SNX25: variants seen among roughly 807,000 people sequenced by gnomAD.
SNX25 encodes the protein sorting nexin 25.
SNX25 carries 62 observed loss-of-function variants against 113.7 expected under a neutral mutation model. That is an observed-to-expected ratio of 0.55 (90% CI 0.44 to 0.67). SNX25 has a LOEUF of 0.67. SNX25 is among the 30% of genes least tolerant of loss of function. The probability of loss-of-function intolerance (pLI) is 0.00; values close to 1 mark genes in which losing one functional copy is unlikely to be tolerated. For synonymous variants in SNX25, 421 were observed against 436.2 expected, an observed-to-expected ratio of 0.97 and a Z score of 0.43; for missense variants, 1,014 against 1,161.0, an observed-to-expected ratio of 0.87 and a Z score of 1.84.
At chr4:185,212,548 C>T (rs1253347101) in intron 1 of SNX25, among the ~76,000 whole-genome samples, 1 of 146,984 alleles carries the variant, frequency 6.8e-6, no homozygotes, top group Non-Finnish European at 1.5e-5. Context: ...GCCACCACGC[C>T]TGGCTAAGTT....
rs2095286824 is a variant in SNX25 at position 185,346,395 on chromosome 4, C to G, written c.2188-142C>G. ...TTCCGTTCCTCCCAATTCTTCGAGCCTCATTAAGATGGGTAGGTTTTCACC... is the reference window on the plus strand; with the variant it reads ...TTCCGTTCCTCCCAATTCTTCGAGCGTCATTAAGATGGGTAGGTTTTCACC... On this transcript the variant is annotated intron_variant, in intron 12 of 18. Coordinates refer to ENST00000652585, the MANE Select transcript of SNX25 (RefSeq NM_001378034.2). The G allele has an allele frequency of 4.8e-6, 3 of 620,362 alleles. No homozygotes were observed. In the Admixed American group the frequency reaches 1.1e-4, roughly 23 times the overall value. 38.4% of individuals were successfully genotyped at this position (620,362 alleles called of 1,614,324 possible).
intron 3 of SNX25, 26 bp downstream of exon 3, chr4:185,259,090 CT>C (rs1049666138): frequency 1.9e-6 from 3 of 1,585,286 alleles, no homozygotes; most frequent in African/African-American, 1.4e-5. Flanking sequence ...AACTTACCCC[CT>C]TTTTTGCATT....
In SNX25 at chr4:185,317,920, A is replaced by G. The variant is rs1477810730; in HGVS notation, c.1345-2813A>G. 2.6e-5 allele frequency among the ~76,000 whole-genome samples: 4 copies of G among 152,206 alleles called. No individual in the cohort carries two copies. The East Asian group carries it at 7.7e-4, about 29-fold the overall frequency. On this transcript the variant is annotated intron_variant, in intron 7 of 18. Transcript: ENST00000652585. ...ATACCAGAAACTTCACATTCTGTTC[A>G]TGTATCCCAGAATTTAAAGTAAAAT...
Position 185,264,528 on chromosome 4 carries a change from T to G in SNX25, c.822T>G (p.Val274=), listed in dbSNP as rs1296579896. Residue 274 remains valine, a synonymous_variant, in exon 4 of 19, where the codon GTT becomes GTG. Transcript: ENST00000652585. ...GATTTCTACAAACGTGTTCTCGGGT[T>G]CTGGTGTTTTGTCTCCTCCCCTCAA... ...EVRFLQTCSR[V]LVFCLLPSKD... is the part of the protein sequence containing the mutation. The G allele has an allele frequency of 2.5e-5, 40 of 1,613,978 alleles. No individual in the cohort carries two copies. The highest frequency in any genetic ancestry group is 3.3e-5 in the Non-Finnish European group (39 of 1,179,976).
At chr4:185,206,660 C>CAAA (rs375061067), upstream of SNX25, among the ~76,000 whole-genome samples, 219 of 77,372 alleles carry the variant, frequency 2.8e-3, 8 homozygotes, top group African/African-American at 5.7e-3. Context: ...ACTCTTGTCT[C>CAAA]AAAAAAAAAA....
At chr4:185,205,647 G>A (rs753391380), upstream of SNX25, among the ~76,000 whole-genome samples, 1 of 152,032 alleles carries the variant, frequency 6.6e-6, no homozygotes, top group Non-Finnish European at 1.5e-5. Context: ...TGGCCAACAT[G>A]GTGAAACTCC....
intron 10 of SNX25, among the ~76,000 whole-genome samples, chr4:185,335,002 G>T (rs1371850013): frequency 6.6e-6 from 1 of 152,064 alleles, no homozygotes; most frequent in Non-Finnish European, 1.5e-5. Flanking sequence ...ACTTATGTTG[G>T]TAAAAAATTA....
chr4:185,374,571 A>G, downstream of SNX25: 3 of 1,163,648 alleles, frequency 2.6e-6, no homozygotes, highest in Admixed American at 4.7e-5. Flanking sequence ...GATGTATAAT[A>G]CTATGAATCT....
chr4:185,310,608 A>AG lies in SNX25; in HGVS notation c.1163-25dup, dbSNP rs1267881793. The AG allele has an allele frequency of 1.9e-6, 3 of 1,602,712 alleles. No homozygotes were observed. The African/African-American group carries it at 4.0e-5, about 21-fold the overall frequency. ...TCCTTTCATGCCTTGTCCTCTGACCAGGTACTGTTTCTCACTCCTATTCAA... is the reference window on the plus strand; with the variant it reads ...TCCTTTCATGCCTTGTCCTCTGACCAGGGTACTGTTTCTCACTCCTATTCAA... On this transcript the variant is annotated intron_variant, in intron 6 of 18. Coordinates refer to ENST00000652585, the MANE Select transcript of SNX25 (RefSeq NM_001378034.2).
At chr4:185,265,409 A>T (rs998104207) in intron 4 of SNX25, among the ~76,000 whole-genome samples, 2 of 152,202 alleles carry the variant, frequency 1.3e-5, no homozygotes, top group African/African-American at 4.8e-5. Context: ...TAACACAATG[A>T]TATTTGTGTA....
At chr4:185,294,821 T>C (rs1221818193) in intron 6 of SNX25, among the ~76,000 whole-genome samples, 1 of 146,348 alleles carries the variant, frequency 6.8e-6, no homozygotes, top group Non-Finnish European at 1.5e-5. Flanking sequence ...GTACGGATAC[T>C]TTTTTTTTTT....
the SNX25 span, chr4:185,375,582 C>T: frequency 8.2e-7 from 1 of 1,218,728 alleles, no homozygotes; most frequent in Non-Finnish European, 1.1e-6. Context: ...ACAATGAAAT[C>T]TTAACCACTG....
intron 5 of SNX25, among the ~76,000 whole-genome samples, chr4:185,284,425 A>T (rs775594905): frequency 5.9e-5 from 9 of 152,090 alleles, no homozygotes; most frequent in Non-Finnish European, 1.3e-4. Flanking sequence ...CATTATAGGG[A>T]TGGGGAAGAC....
chr4:185,310,203 A>C lies in SNX25; in HGVS notation c.1163-432A>C, dbSNP rs114159794. 8.4e-3 allele frequency among the ~76,000 whole-genome samples: 1,278 copies of C among 152,306 alleles called. 16 individuals are homozygous for C. Among genetic ancestry groups the C allele is most frequent in the African/African-American group, 0.029 (1,216 of 41,560 alleles). ...TTGGATTCCTCTCTTTGGATTTCTT[A>C]CTTGCTAGACTCTTAAAAGTCCATG... is the stretch of plus-strand genomic sequence containing the variant. On this transcript the variant is annotated intron_variant, in intron 6 of 18. Transcript: ENST00000652585.
At chr4:185,277,720 CTTTTTTTTT>C (rs758092952) in intron 5 of SNX25, among the ~76,000 whole-genome samples, 96 of 63,472 alleles carry the variant, frequency 1.5e-3, no homozygotes, top group Admixed American at 8.1e-3. Context: ...TACTTATTAC[CTTTTTTTTT>C]TTTTTTTTTT....
At chr4:185,373,887 CTCT>C (rs1348640294), downstream of SNX25, among the ~76,000 whole-genome samples, 2 of 152,152 alleles carry the variant, frequency 1.3e-5, no homozygotes, top group Non-Finnish European at 2.9e-5. Flanking sequence ...AGGACTGTTT[CTCT>C]TCTTTTAGCT....
upstream of SNX25, among the ~76,000 whole-genome samples, chr4:185,205,471 G>C (rs777395400): frequency 6.6e-6 from 1 of 151,548 alleles, no homozygotes; most frequent in Non-Finnish European, 1.5e-5. Flanking sequence ...AAAAAAGCAA[G>C]AATTTCACTT....
At chr4:185,267,485 C>T (rs935574723) in intron 5 of SNX25, among the ~76,000 whole-genome samples, 2 of 152,088 alleles carry the variant, frequency 1.3e-5, no homozygotes, top group Non-Finnish European at 2.9e-5. Context: ...AATCCCAGCA[C>T]TTTGGGAGGC....
At chr4:185,212,480 TGTGTGTGTG>T (rs1560889818) in intron 1 of SNX25, among the ~76,000 whole-genome samples, 1 of 79,916 alleles carries the variant, frequency 1.3e-5, no homozygotes, top group African/African-American at 4.3e-5. Context: ...TGTGTGTGTG[TGTGTGTGTG>T]TGTTTTTTTT....
Sources: gnomAD v4.1 joint callset for allele counts (sites outside exome capture counted in the v4.1 genomes callset) on GRCh38, gnomAD v4.1.1 for gene constraint, MANE v1.5 for transcripts, NCBI Gene and HGNC (gene_info 2026-07-23, HGNC 2026-07-21) for gene names.